Variants in PTPRM observed in about 807,000 individuals in gnomAD.
PTPRM encodes the protein protein tyrosine phosphatase receptor type M.
In PTPRM, 47 loss-of-function variants were observed where a neutral mutation model predicts 186.7. The observed-to-expected ratio is 0.25, with a 90% CI of 0.20 to 0.32. The LOEUF is 0.32. Ranked by LOEUF, PTPRM falls within the 10% of genes least tolerant of loss-of-function variation. PTPRM has a pLI of 1.00. For synonymous variants in PTPRM, 668 were observed against 674.9 expected, an observed-to-expected ratio of 0.99 and a Z score of 0.16; for missense variants, 1,494 against 1,865.0, an observed-to-expected ratio of 0.80 and a Z score of 3.66.
chr18:7,601,771 G>A (rs2054631261), intron 1 of PTPRM, among the ~76,000 whole-genome samples: 1 of 152,156 alleles, frequency 6.6e-6, no homozygotes, highest in African/African-American at 2.4e-5. Context: ...TTGATGACTT[G>A]GGGTGTTCAT....
intron 1 of PTPRM, among the ~76,000 whole-genome samples, chr18:7,611,705 A>C (rs1222120706): frequency 6.6e-6 from 1 of 152,120 alleles, no homozygotes; most frequent in African/African-American, 2.4e-5. Flanking sequence ...TGCTGTTCTC[A>C]TGATAGTGAA....
At chr18:8,124,916 T>A (rs1284774705) in intron 13 of PTPRM, among the ~76,000 whole-genome samples, 1 of 152,194 alleles carries the variant, frequency 6.6e-6, no homozygotes, top group East Asian at 1.9e-4. Flanking sequence ...ATACTTGCAC[T>A]GGGAAGCTTT....
chr18:8,323,033 T>G (rs2095355132), intron 22 of PTPRM, among the ~76,000 whole-genome samples: 1 of 152,078 alleles, frequency 6.6e-6, no homozygotes, highest in African/African-American at 2.4e-5. Flanking sequence ...AAATCTGTGT[T>G]GTCCAGGCTG....
chr18:7,858,348 G>A (rs985847848), intron 2 of PTPRM, among the ~76,000 whole-genome samples: 1 of 152,050 alleles, frequency 6.6e-6, no homozygotes. Context: ...CTTGAGGCTG[G>A]GAGTTCAAGA....
intron 7 of PTPRM, among the ~76,000 whole-genome samples, chr18:8,029,318 C>CCA (rs1343354670): frequency 4.9e-5 from 7 of 141,704 alleles, no homozygotes; most frequent in African/African-American, 1.9e-4. Context: ...TGCCCCTCCT[C>CCA]CACCTGTCCT....
chr18:8,194,132 G>A (rs1474290025), intron 14 of PTPRM, among the ~76,000 whole-genome samples: 1 of 152,234 alleles, frequency 6.6e-6, no homozygotes, highest in East Asian at 1.9e-4. Flanking sequence ...TATTTTATGT[G>A]TCTAAACACC....
chr18:7,871,316 A>G (rs1253043404), intron 2 of PTPRM, among the ~76,000 whole-genome samples: 1 of 152,202 alleles, frequency 6.6e-6, no homozygotes, highest in Non-Finnish European at 1.5e-5. Flanking sequence ...TGTGTGCTCT[A>G]CAGTTTCTCA....
chr18:7,693,763 G>C (rs960348445), intron 1 of PTPRM, among the ~76,000 whole-genome samples: 5 of 152,180 alleles, frequency 3.3e-5, no homozygotes, highest in Non-Finnish European at 2.9e-5. Context: ...AATCTGGGAA[G>C]ACATCATGGA....
At chr18:8,151,668 C>T (rs1051789599) in intron 14 of PTPRM, among the ~76,000 whole-genome samples, 43 of 143,958 alleles carry the variant, frequency 3.0e-4, no homozygotes, top group African/African-American at 1.0e-3. Flanking sequence ...GTCTCACTTG[C>T]GTTCCAGGAG....
At chr18:7,819,602 G>A (rs1362666482) in intron 2 of PTPRM, among the ~76,000 whole-genome samples, 1 of 152,154 alleles carries the variant, frequency 6.6e-6, no homozygotes, top group Non-Finnish European at 1.5e-5. Context: ...AAGCCCACAG[G>A]TGATCTGATT....
At chr18:7,757,456 A>C (rs16952509) in intron 1 of PTPRM, among the ~76,000 whole-genome samples, 1 of 152,186 alleles carries the variant, frequency 6.6e-6, no homozygotes, top group African/African-American at 2.4e-5. Flanking sequence ...GGAGAATGAC[A>C]TAATTCTGTG....
At chr18:7,708,627 T>C (rs575210780) in intron 1 of PTPRM, among the ~76,000 whole-genome samples, 1 of 152,230 alleles carries the variant, frequency 6.6e-6, no homozygotes, top group South Asian at 2.1e-4. Flanking sequence ...GTTCTTGACC[T>C]CCAGGGAGAG....
intron 4 of PTPRM, among the ~76,000 whole-genome samples, chr18:7,922,059 T>C (rs914521307): frequency 3.9e-5 from 6 of 152,198 alleles, no homozygotes; most frequent in Non-Finnish European, 8.8e-5. Flanking sequence ...CCTGTTGATT[T>C]CCCTTTTTTT....
At chr18:8,029,046 CT>C (rs1239108926) in intron 7 of PTPRM, among the ~76,000 whole-genome samples, 1 of 152,230 alleles carries the variant, frequency 6.6e-6, no homozygotes, top group Non-Finnish European at 1.5e-5. Context: ...TATGCAATGG[CT>C]TACTGCCTGT....
At chr18:8,358,937 T>A (rs533932765) in intron 23 of PTPRM, among the ~76,000 whole-genome samples, 1 of 152,336 alleles carries the variant, frequency 6.6e-6, no homozygotes, top group African/African-American at 2.4e-5. Context: ...GAGACTTGAA[T>A]CTGAAGCCAT....
intron 7 of PTPRM, among the ~76,000 whole-genome samples, chr18:8,001,620 A>G (rs1381971374): frequency 6.6e-6 from 1 of 152,128 alleles, no homozygotes; most frequent in African/African-American, 2.4e-5. Context: ...TGTATTCCAA[A>G]ACTAGCAATA....
At chr18:8,375,628 T>C (rs1184251602) in intron 24 of PTPRM, among the ~76,000 whole-genome samples, 1 of 152,220 alleles carries the variant, frequency 6.6e-6, no homozygotes, top group African/African-American at 2.4e-5. Flanking sequence ...GGAGTTGGTA[T>C]TGAGCACACA....
At chr18:7,580,202 A>C (rs917500193) in intron 1 of PTPRM, among the ~76,000 whole-genome samples, 1 of 152,212 alleles carries the variant, frequency 6.6e-6, no homozygotes, top group Non-Finnish European at 1.5e-5. Flanking sequence ...AGTTTGTCAG[A>C]TGGCACAGCA....
At position 7,726,391 on chromosome 18, in the gene PTPRM, G is replaced by A. The variant is rs182824227; in HGVS notation, c.74-47758G>A. ...TCTTTATAGATTCTGGTTAAAAGTC[G>A]CTTATCAGATAATATGATTTACAAA... On this transcript the variant is annotated intron_variant, in intron 1 of 32. Coordinates refer to ENST00000580170, the MANE Select transcript of PTPRM (RefSeq NM_001105244.2). 7.2e-5 allele frequency among the ~76,000 whole-genome samples: 11 copies of A among 152,192 alleles called. No homozygotes were observed. In the East Asian group the frequency reaches 1.2e-3, roughly 16 times the overall value.
Sources: gnomAD v4.1 joint callset for allele counts (sites outside exome capture counted in the v4.1 genomes callset) on GRCh38, gnomAD v4.1.1 for gene constraint, MANE v1.5 for transcripts, NCBI Gene and HGNC (gene_info 2026-07-23, HGNC 2026-07-21) for gene names.